The following PLCH1 variants were observed in gnomAD, a reference collection of about 807,000 sequenced individuals.
PLCH1 encodes the protein 1-phosphatidylinositol 4,5-bisphosphate phosphodiesterase eta-1.
In PLCH1, 60 loss-of-function variants were observed where a neutral mutation model predicts 126.7. The ratio of observed to expected loss-of-function variants is 0.47; its 90% CI spans 0.38 to 0.59. PLCH1 has a LOEUF of 0.59. PLCH1 is among the 20% of genes least tolerant of loss of function. The pLI is 0.00. For synonymous variants in PLCH1, 719 were observed against 734.9 expected, an observed-to-expected ratio of 0.98 and a Z score of 0.35; for missense variants, 1,723 against 2,040.0, an observed-to-expected ratio of 0.84 and a Z score of 2.99.
In PLCH1 at chr3:155,482,301, G is replaced by C. The variant is rs755156987; in HGVS notation, c.3725C>G (p.Ser1242Cys). Reference sequence around the variant, plus strand: ...CAGCTCCGGAGATGAGCACAGGAAGGAAGACTTGGATTTTCCCTTGCAAAA... The same window carrying C: ...CAGCTCCGGAGATGAGCACAGGAAGCAAGACTTGGATTTTCCCTTGCAAAA... ...HGFCKGKSKS[S>C]FLCSSPELIA... Residue 1242 changes from serine to cysteine, a missense_variant, in exon 23 of 23, where the codon TCC becomes TGC. Transcript: ENST00000460012. 9.3e-6 allele frequency: 15 copies of C among 1,614,060 alleles called. No homozygotes were observed. The highest frequency in any genetic ancestry group is 1.3e-5 in the Non-Finnish European group (15 of 1,180,042).
intron 12 of PLCH1, among the ~76,000 whole-genome samples, chr3:155,510,814 G>A (rs1415660828): frequency 1.0e-5 from 1 of 100,152 alleles, no homozygotes; most frequent in Non-Finnish European, 1.8e-5. Context: ...CAACTTTGGT[G>A]AATCTGACAA....
chr3:155,503,378 T>C (rs1233487037), intron 13 of PLCH1, among the ~76,000 whole-genome samples: 1 of 152,208 alleles, frequency 6.6e-6, no homozygotes, highest in Non-Finnish European at 1.5e-5. Flanking sequence ...ATAAAGATCA[T>C]ATTATTGCAT....
Position 155,488,044 on chromosome 3 carries a change from T to C in PLCH1, c.2603A>G (p.Asn868Ser), listed in dbSNP as rs1348148794. ...CTTTCTCACCTTTCCATAGATTTCA[T>C]TGATGGTTATGTGTACAAATATGGA... ...EASIFVHITI[N>S]EIYGKNRQLQ... is the part of the protein sequence containing the mutation. The change falls in exon 21 of 23, where the codon AAT becomes AGT. Residue 868 changes from asparagine to serine, a missense_variant. Physicochemically the swap from Asn to Ser is conservative, Grantham distance 46 (BLOSUM62 1). Coordinates refer to ENST00000460012, the MANE Select transcript of PLCH1 (RefSeq NM_014996.4). The C allele has an allele frequency of 5.0e-6, 8 of 1,591,422 alleles. No individual in the cohort carries two copies. Among genetic ancestry groups the C allele is most frequent in the Non-Finnish European group, 6.0e-6 (7 of 1,159,270 alleles).
At chr3:155,621,298 CAG>C (rs1051310385) in intron 2 of PLCH1, among the ~76,000 whole-genome samples, 43 of 152,268 alleles carry the variant, frequency 2.8e-4, no homozygotes, top group African/African-American at 9.6e-4. Flanking sequence ...AATACATGAA[CAG>C]GGGGAGAAAC....
chr3:155,645,959 T>C (rs558456607), intron 2 of PLCH1, among the ~76,000 whole-genome samples: 2 of 152,274 alleles, frequency 1.3e-5, no homozygotes, highest in South Asian at 2.1e-4. Flanking sequence ...TAGCAGGATC[T>C]GGGGGGAAAG....
rs879459569 is a variant in PLCH1, at chr3:155,473,942, C to T, written c.2938+11414G>A. Among the ~76,000 whole-genome samples, 76 of 151,776 alleles carry T rather than the reference C, an allele frequency of 5.0e-4. 1 individual carries two copies. Among genetic ancestry groups the T allele is most frequent in the Non-Finnish European group, 9.0e-4 (61 of 67,800 alleles). ...AAATCAATTCAAGATGGATTAAAGACTTAAACGTTAGACCTAAAACCATAA... is the reference window on the plus strand; with the variant it reads ...AAATCAATTCAAGATGGATTAAAGATTTAAACGTTAGACCTAAAACCATAA... On this transcript the variant is annotated intron_variant, in intron 21 of 21. Transcript: ENST00000494598.
At chr3:155,633,377 C>T (rs556226969) in intron 2 of PLCH1, among the ~76,000 whole-genome samples, 3 of 149,288 alleles carry the variant, frequency 2.0e-5, no homozygotes, top group Non-Finnish European at 4.4e-5. Context: ...TTTCCTGTTT[C>T]CTTCACTGTT....
At chr3:155,492,416 C>T (rs559523375) in intron 18 of PLCH1, among the ~76,000 whole-genome samples, 275 of 152,232 alleles carry the variant, frequency 1.8e-3, no homozygotes, top group African/African-American at 6.1e-3. Context: ...CATTGCCTTT[C>T]TAGGTTAAGA....
At chr3:155,589,629 A>G (rs1343711254) in intron 4 of PLCH1, among the ~76,000 whole-genome samples, 1 of 152,136 alleles carries the variant, frequency 6.6e-6, no homozygotes, top group Non-Finnish European at 1.5e-5. Context: ...GTCAAGAGAT[A>G]AGGTGGGGAA....
chr3:155,633,412 TCACACA>T lies in PLCH1; in HGVS notation c.80-37040_80-37035del, dbSNP rs59152066. ...TTCTTTCAGCACTTATTATATAACA[TCACACA>T]CACACACACACACACACACACACAC... On this transcript the variant is annotated intron_variant, in intron 2 of 22. Coordinates refer to ENST00000460012, the MANE Select transcript of PLCH1 (RefSeq NM_014996.4). 4.5e-3 allele frequency among the ~76,000 whole-genome samples: 648 copies of T among 142,446 alleles called. 2 individuals carry two copies. The highest frequency in any genetic ancestry group is 7.7e-3 in the Admixed American group (110 of 14,284). 93.5% of individuals were successfully genotyped at this position (142,446 alleles called of 152,430 possible).
At chr3:155,614,540 A>T (rs1170475326) in intron 2 of PLCH1, among the ~76,000 whole-genome samples, 1 of 152,222 alleles carries the variant, frequency 6.6e-6, no homozygotes, top group Non-Finnish European at 1.5e-5. Context: ...ACTATACTAC[A>T]AGACTATAGT....
intron 2 of PLCH1, among the ~76,000 whole-genome samples, chr3:155,647,593 G>A (rs1325974520): frequency 6.6e-6 from 1 of 152,094 alleles, no homozygotes; most frequent in African/African-American, 2.4e-5. Flanking sequence ...CCCTGGCAAA[G>A]CAATGCCCAG....
intron 5 of PLCH1, among the ~76,000 whole-genome samples, chr3:155,584,519 G>A (rs973596289): frequency 3.9e-5 from 6 of 152,150 alleles, no homozygotes; most frequent in Non-Finnish European, 7.4e-5. Flanking sequence ...CTTACTTACA[G>A]GTTGGCTGAA....
intron 10 of PLCH1, among the ~76,000 whole-genome samples, chr3:155,536,770 A>G (rs1723412268): frequency 6.6e-6 from 1 of 152,094 alleles, no homozygotes; most frequent in African/African-American, 2.4e-5. Context: ...AATTGAGGAA[A>G]ATTTCCCTGG....
intron 10 of PLCH1, among the ~76,000 whole-genome samples, chr3:155,524,248 T>C (rs974413937): frequency 6.6e-6 from 1 of 152,206 alleles, no homozygotes; most frequent in African/African-American, 2.4e-5. Context: ...TATGATTCCA[T>C]TTATATCAAA....
intron 1 of PLCH1, among the ~76,000 whole-genome samples, chr3:155,713,955 G>A (rs1747332940): frequency 6.6e-6 from 1 of 152,170 alleles, no homozygotes; most frequent in African/African-American, 2.4e-5. Flanking sequence ...TATCAGTTGT[G>A]TAGCATTTAA....
intron 21 of PLCH1, among the ~76,000 whole-genome samples, chr3:155,465,476 C>A (rs778972807): frequency 1.3e-5 from 2 of 151,814 alleles, no homozygotes; most frequent in African/African-American, 2.4e-5. Flanking sequence ...TGAACAGCAG[C>A]GATACCTAGG....
chr3:155,659,691 G>A (rs1413880034), intron 2 of PLCH1, among the ~76,000 whole-genome samples: 1 of 151,798 alleles, frequency 6.6e-6, no homozygotes, highest in Non-Finnish European at 1.5e-5. Flanking sequence ...TAGAGATGGG[G>A]TTTCACCATG....
intron 10 of PLCH1, among the ~76,000 whole-genome samples, chr3:155,548,308 A>T (rs114790621): frequency 2.8e-4 from 42 of 152,328 alleles, no homozygotes; most frequent in Non-Finnish European, 4.4e-4. Flanking sequence ...AGATCCAGGC[A>T]GCTCCTTAAT....
Sources: allele counts gnomAD v4.1 joint callset (sites outside exome capture counted in the v4.1 genomes callset), GRCh38; gene constraint gnomAD v4.1.1; transcripts MANE v1.5; gene names NCBI Gene and HGNC (gene_info 2026-07-23, HGNC 2026-07-21).